The following VPS13C variants were observed in gnomAD, a reference collection of about 807,000 sequenced individuals.
The protein encoded by VPS13C is vacuolar protein sorting 13 homolog C.
VPS13C carries 358 observed loss-of-function variants against 456.8 expected under a neutral mutation model. The observed-to-expected ratio is 0.78, with a 90% CI of 0.72 to 0.86. The LOEUF is 0.86. Among genes scored for constraint, VPS13C ranks in the 40% least tolerant of loss-of-function variants. The probability of loss-of-function intolerance (pLI) is 0.00; values close to 1 mark genes in which losing one functional copy is unlikely to be tolerated. For synonymous variants in VPS13C, 1,578 were observed against 1,486.7 expected (o/e 1.06, Z -1.41); for missense variants, 4,818 against 4,385.4 (o/e 1.10, Z -2.79).
At chr15:61,868,244 C>A (rs1160329532) in intron 81 of VPS13C, among the ~76,000 whole-genome samples, 3 of 151,884 alleles carry the variant, frequency 2.0e-5, no homozygotes, top group African/African-American at 4.8e-5. Context: ...ATCTTTTATT[C>A]TCTCATCTAG....
intron 74 of VPS13C, among the ~76,000 whole-genome samples, chr15:61,877,538 A>G: frequency 6.7e-6 from 1 of 150,192 alleles, no homozygotes; most frequent in Non-Finnish European, 1.5e-5. Flanking sequence ...TTGCTAAAAT[A>G]ATTAATGATG....
At chr15:62,033,337 T>C in intron 5 of VPS13C, 104 bp downstream of exon 5, 1 of 639,968 alleles carries the variant, frequency 1.6e-6, no homozygotes, top group Non-Finnish European at 2.4e-6. Flanking sequence ...ATTATGTCTT[T>C]AGAACTTCAA....
At position 61,863,432 on chromosome 15, in the gene VPS13C, G is replaced by T; in HGVS notation, c.10952+8C>A. On this transcript the variant is annotated splice_region_variant and intron_variant, in intron 82 of 84. Coordinates refer to ENST00000644861, the MANE Select transcript of VPS13C (RefSeq NM_020821.3). ...ACTATTTGGAAAAATGTCACTTCAA[G>T]TCAGTACCTATTTGTAACCATAAGG... 1 of 1,603,636 alleles carries T rather than the reference G, an allele frequency of 6.2e-7. No individual in the cohort carries two copies. The highest frequency in any genetic ancestry group is 8.5e-7 in the Non-Finnish European group (1 of 1,173,324).
intron 64 of VPS13C, 86 bp from the exon 65 acceptor site, chr15:61,909,211 A>T (rs1005783693): frequency 6.5e-7 from 1 of 1,534,126 alleles, no homozygotes; most frequent in African/African-American, 1.4e-5. Context: ...TAAAACACAA[A>T]AGCTTTGGTT....
intron 48 of VPS13C, among the ~76,000 whole-genome samples, chr15:61,936,016 AGAGT>A (rs1207152124): frequency 6.6e-6 from 1 of 152,238 alleles, no homozygotes; most frequent in Admixed American, 6.5e-5. Context: ...TTATGAAAAA[AGAGT>A]GAAATTATAT....
rs34088864 is a variant in VPS13C, at chr15:61,943,914, T to TAAA, written c.5148+1798_5148+1800dup. Among the ~76,000 whole-genome samples the TAAA allele has an allele frequency of 2.6e-3, 370 of 144,384 alleles. 4 individuals carry two copies. Among genetic ancestry groups the TAAA allele is most frequent in the African/African-American group, 7.9e-3 (315 of 39,878 alleles). 94.7% of individuals were successfully genotyped at this position (144,384 alleles called of 152,430 possible). ...ACAAAGGTCTAACATCCAGAATCTA[T>TAAA]AAAAAAAAAAAAGTGTGAACAAGTG... On this transcript the variant is annotated intron_variant, in intron 45 of 84. Coordinates refer to ENST00000644861, the MANE Select transcript of VPS13C (RefSeq NM_020821.3).
chr15:61,957,363 A>T (rs2045038404), intron 37 of VPS13C, among the ~76,000 whole-genome samples: 8 of 152,114 alleles, frequency 5.3e-5, no homozygotes, highest in Admixed American at 5.2e-4. Flanking sequence ...GGGGTGCTGA[A>T]AATGTATTAT....
chr15:61,972,434 AT>A (rs1174755191), intron 27 of VPS13C, among the ~76,000 whole-genome samples, 190 bp downstream of exon 27: 15 of 152,124 alleles, frequency 9.9e-5, no homozygotes, highest in Non-Finnish European at 2.2e-4. Context: ...AAAGCATTTC[AT>A]TGTTAAAAAT....
At chr15:62,035,587 G>C (rs748751757) in intron 3 of VPS13C, among the ~76,000 whole-genome samples, 1 of 151,968 alleles carries the variant, frequency 6.6e-6, no homozygotes, top group African/African-American at 2.4e-5. Flanking sequence ...ACAGAGAAGA[G>C]ATGCAAAGGA....
chr15:61,940,694 C>T lies in VPS13C; in HGVS notation c.5554G>A (p.Val1852Met), dbSNP rs2044390051. 1 of 1,613,736 alleles carries T rather than the reference C, an allele frequency of 6.2e-7. No individual in the cohort carries two copies. The highest frequency in any genetic ancestry group is 8.5e-7 in the Non-Finnish European group (1 of 1,179,836). The change falls in exon 47 of 85, where the codon GTG becomes ATG. Residue 1852 changes from valine to methionine, a missense_variant. Val to Met is a conservative substitution (Grantham distance 21). Around this residue, in one of 3 missense-constraint regions of VPS13C, gnomAD observed 4,552 missense variants for 4,130.6 expected, o/e 1.10. Coordinates refer to ENST00000644861, the MANE Select transcript of VPS13C (RefSeq NM_020821.3). ...TTTATCTCCATCCCTGGAATTTGCACATACCATGCTGCTGCTAAGTTTCGC... is the reference window on the plus strand; with the variant it reads ...TTTATCTCCATCCCTGGAATTTGCATATACCATGCTGCTGCTAAGTTTCGC... ...IQRNLAAAWYVQIPGMEIKGK... is the reference protein window; with the variant it reads ...IQRNLAAAWYMQIPGMEIKGK...
At chr15:61,962,098 T>C (rs2045227926) in intron 34 of VPS13C, among the ~76,000 whole-genome samples, 1 of 152,138 alleles carries the variant, frequency 6.6e-6, no homozygotes, top group Non-Finnish European at 1.5e-5. Flanking sequence ...GTTATATGGT[T>C]AAGGAACAGA....
At chr15:61,946,002 A>G (rs777450217) in intron 44 of VPS13C, 120 bp from the exon 45 acceptor site, 55 of 901,710 alleles carry the variant, frequency 6.1e-5, no homozygotes, top group Non-Finnish European at 8.0e-5. Context: ...TGAATTCAAC[A>G]TTAAAAATTA....
At chr15:61,917,285 A>G in intron 60 of VPS13C, 56 bp downstream of exon 60, 1 of 1,548,062 alleles carries the variant, frequency 6.5e-7, no homozygotes, top group South Asian at 1.2e-5. Flanking sequence ...CCATAAAACA[A>G]AATCAGAATT....
At chr15:61,927,405 T>A in intron 51 of VPS13C, 85 bp from the exon 52 acceptor site, 1 of 1,052,258 alleles carries the variant, frequency 9.5e-7, no homozygotes, top group Middle Eastern at 2.2e-4. Flanking sequence ...TGTTAAGTTG[T>A]TCTCAATGTT....
chr15:62,028,199 C>T (rs2047700931), intron 6 of VPS13C, among the ~76,000 whole-genome samples, 159 bp downstream of exon 6: 1 of 151,948 alleles, frequency 6.6e-6, no homozygotes, highest in African/African-American at 2.4e-5. Flanking sequence ...TAAACGACTA[C>T]AGGTAAGGAA....
chr15:61,889,607 A>G (rs1034793610), intron 67 of VPS13C, among the ~76,000 whole-genome samples: 1 of 152,240 alleles, frequency 6.6e-6, no homozygotes, highest in Non-Finnish European at 1.5e-5. Flanking sequence ...ACAGGTATAA[A>G]TAGAACTGGA....
chr15:62,028,688 C>A (rs1317341491), intron 5 of VPS13C, among the ~76,000 whole-genome samples: 1 of 152,022 alleles, frequency 6.6e-6, no homozygotes, highest in Admixed American at 6.6e-5. Flanking sequence ...TCAATTTCGG[C>A]TAACGGCTCA....
chr15:61,886,749 T>C (rs1426300293), intron 67 of VPS13C, among the ~76,000 whole-genome samples: 2 of 152,214 alleles, frequency 1.3e-5, no homozygotes, highest in East Asian at 3.8e-4. Context: ...TTATTTCACA[T>C]AGCTTGTTTC....
intron 51 of VPS13C, among the ~76,000 whole-genome samples, chr15:61,928,300 G>A (rs931004013): frequency 5.9e-5 from 9 of 151,892 alleles, no homozygotes; most frequent in African/African-American, 2.2e-4. Flanking sequence ...GGCAAGAAGG[G>A]GAAAACTGGA....
Sources: gnomAD v4.1 joint callset for allele counts (sites outside exome capture counted in the v4.1 genomes callset) on GRCh38, gnomAD v4.1.1 for gene constraint, gnomAD v4.1.1 regional missense constraint, MANE v1.5 for transcripts, NCBI Gene and HGNC (gene_info 2026-07-23, HGNC 2026-07-21) for gene names.